RBFOX3: variants seen among roughly 807,000 people sequenced by gnomAD.
The protein encoded by RBFOX3 is RNA binding fox-1 homolog 3.
Under a neutral mutation model 48.7 loss-of-function variants are expected in RBFOX3, and 17 were observed. That is an observed-to-expected ratio of 0.35 (90% CI 0.24 to 0.52). RBFOX3 has a LOEUF of 0.52. Among genes scored for constraint, RBFOX3 ranks in the 20% least tolerant of loss-of-function variants. The probability of loss-of-function intolerance (pLI) is 0.94; values close to 1 mark genes in which losing one functional copy is unlikely to be tolerated. For missense variants in RBFOX3, 382 were observed against 497.5 expected (o/e 0.77, Z 2.21); for synonymous variants, 212 against 209.5 (o/e 1.01, Z -0.10).
rs1277259880 is a variant in RBFOX3, at chr17:79,390,319, A to G, written c.-174-82495T>C. Among the ~76,000 whole-genome samples, 1 of 152,026 alleles carries G rather than the reference A, an allele frequency of 6.6e-6. No individual in the cohort carries two copies. The highest frequency in any genetic ancestry group is 6.5e-5 in the Admixed American group (1 of 15,274). Reference sequence around the variant, plus strand: ...ATCCCGGGGGGACTTCTTAGACTCCACTCTGAGTTTGGCTTTGCCACGCTG... The same window carrying G: ...ATCCCGGGGGGACTTCTTAGACTCCGCTCTGAGTTTGGCTTTGCCACGCTG... On this transcript the variant is annotated intron_variant, in intron 2 of 14. Transcript: ENST00000693108. This position sits in a 1 kb window ranked among gnomAD's most constrained non-coding sequence, Gnocchi z 4.2.
intron 2 of RBFOX3, among the ~76,000 whole-genome samples, chr17:79,464,745 G>A (rs1431749435): frequency 1.3e-5 from 2 of 152,248 alleles, no homozygotes; most frequent in Non-Finnish European, 2.9e-5. Context: ...GAAGTGCAGG[G>A]TGCCAGGCAC....
intron 2 of RBFOX3, among the ~76,000 whole-genome samples, chr17:79,344,942 T>C (rs2082658930): frequency 6.6e-6 from 1 of 152,244 alleles, no homozygotes; most frequent in African/African-American, 2.4e-5. Flanking sequence ...TTTGACCCTC[T>C]GACTGCAAAA....
chr17:79,632,762 G>A, the RBFOX3 span, among the ~76,000 whole-genome samples: 3 of 116,646 alleles, frequency 2.6e-5, no homozygotes, highest in Admixed American at 1.7e-4. Flanking sequence ...AAAAAAAAAA[G>A]TTAGCAAGGC....
intron 4 of RBFOX3, among the ~76,000 whole-genome samples, chr17:79,192,325 G>A (rs151276531): frequency 7.0e-4 from 107 of 152,252 alleles, no homozygotes; most frequent in Middle Eastern, 6.8e-3. Flanking sequence ...GGGGGGAGCC[G>A]TCTGTTCCTG....
chr17:79,133,963 A>G (rs2039577859), intron 4 of RBFOX3, among the ~76,000 whole-genome samples: 2 of 152,208 alleles, frequency 1.3e-5, no homozygotes. Context: ...TTTTCTGCAT[A>G]TTCATTAAGG....
chr17:79,408,547 T>A (rs1184402302), intron 2 of RBFOX3, among the ~76,000 whole-genome samples: 1 of 152,156 alleles, frequency 6.6e-6, no homozygotes, highest in Non-Finnish European at 1.5e-5. Flanking sequence ...GGGTTCCCCA[T>A]CTGCTGCTCA....
At chr17:79,134,692 C>G (rs1339584629) in intron 4 of RBFOX3, among the ~76,000 whole-genome samples, 1 of 152,226 alleles carries the variant, frequency 6.6e-6, no homozygotes, top group Non-Finnish European at 1.5e-5. Flanking sequence ...GGCACCCTGA[C>G]CGTGTCAGAG....
chr17:79,108,827 G>A (rs1451532166), intron 5 of RBFOX3, among the ~76,000 whole-genome samples: 3 of 152,208 alleles, frequency 2.0e-5, no homozygotes, highest in East Asian at 1.9e-4. Context: ...AGCCTCCCCC[G>A]TACCACAGCT....
At chr17:79,372,259 C>T (rs1267154725) in intron 2 of RBFOX3, among the ~76,000 whole-genome samples, 3 of 151,432 alleles carry the variant, frequency 2.0e-5, no homozygotes, top group African/African-American at 7.3e-5. Flanking sequence ...ATACTATCCC[C>T]GGCAATCCTA....
intron 2 of RBFOX3, among the ~76,000 whole-genome samples, chr17:79,472,189 AGT>A (rs1259182517): frequency 6.6e-6 from 1 of 152,158 alleles, no homozygotes; most frequent in African/African-American, 2.4e-5. Flanking sequence ...TGGAATGATG[AGT>A]GTGCCTGACG....
intron 4 of RBFOX3, among the ~76,000 whole-genome samples, chr17:79,179,259 C>T (rs927904099): frequency 4.6e-5 from 7 of 152,236 alleles, no homozygotes; most frequent in African/African-American, 1.7e-4. Flanking sequence ...AATCCCCCTG[C>T]CCCTCGGCGG....
At chr17:79,440,513 C>G (rs1473754387) in intron 2 of RBFOX3, among the ~76,000 whole-genome samples, 4 of 152,168 alleles carry the variant, frequency 2.6e-5, no homozygotes, top group African/African-American at 2.4e-5. Flanking sequence ...GACCACAGGG[C>G]AGGGAGCTCC....
chr17:79,446,516 C>A, intron 2 of RBFOX3, among the ~76,000 whole-genome samples: 1 of 152,180 alleles, frequency 6.6e-6, no homozygotes, highest in East Asian at 1.9e-4. Flanking sequence ...GGGATGGAAG[C>A]AGCTCTCCCT....
chr17:79,412,448 G>T lies in RBFOX3; in HGVS notation c.-175+70006C>A, dbSNP rs527820050. Among the ~76,000 whole-genome samples, 6 of 152,128 alleles carry T rather than the reference G, an allele frequency of 3.9e-5. No individual in the cohort carries two copies. In the East Asian group the frequency reaches 1.2e-3, roughly 29 times the overall value. On this transcript the variant is annotated intron_variant, in intron 2 of 14. Coordinates refer to ENST00000693108, the MANE Select transcript of RBFOX3 (RefSeq NM_001350451.2). Reference sequence around the variant, plus strand: ...GTGTATACATGTGTGTGATATGTGTGAGCGTATTGTGTATGTGTGTGCACA... The same window carrying T: ...GTGTATACATGTGTGTGATATGTGTTAGCGTATTGTGTATGTGTGTGCACA...
chr17:79,182,978 G>A (rs2052461408), intron 4 of RBFOX3, among the ~76,000 whole-genome samples: 1 of 149,356 alleles, frequency 6.7e-6, no homozygotes, highest in South Asian at 2.1e-4. Flanking sequence ...CTTCCCCGGA[G>A]ACTCCGCCCG....
intron 2 of RBFOX3, among the ~76,000 whole-genome samples, chr17:79,327,333 G>T (rs2079488787): frequency 2.0e-5 from 3 of 152,166 alleles, no homozygotes; most frequent in Admixed American, 2.0e-4. Flanking sequence ...GGAGTCCTTG[G>T]CAACCTCACC....
At chr17:79,410,920 C>T (rs942893568) in intron 2 of RBFOX3, among the ~76,000 whole-genome samples, 4 of 152,152 alleles carry the variant, frequency 2.6e-5, no homozygotes, top group African/African-American at 9.7e-5. Context: ...GGCTGGGGAA[C>T]GAGCTGGCAC....
At chr17:79,213,198 T>A (rs1017937653) in intron 4 of RBFOX3, among the ~76,000 whole-genome samples, 8 of 152,146 alleles carry the variant, frequency 5.3e-5, no homozygotes, top group Non-Finnish European at 8.8e-5. Flanking sequence ...GAGGATAAAG[T>A]TCCCCTGTTT....
rs2055070114 is a variant in RBFOX3 at position 79,194,149 on chromosome 17, T to TGGCGCTGTCCTC, written c.-34+41605_-34+41616dup. 2.0e-5 allele frequency among the ~76,000 whole-genome samples: 3 copies of TGGCGCTGTCCTC among 152,342 alleles called. No homozygotes were observed. In the South Asian group the frequency reaches 6.2e-4, roughly 32 times the overall value. On this transcript the variant is annotated intron_variant, in intron 4 of 14. Transcript: ENST00000693108. ...ACACCAATGTTGCTCTCCTTTCACA[T>TGGCGCTGTCCTC]GGCGCTGTCCTCGCTCCCACAGCTG...
Sources: allele counts gnomAD v4.1 joint callset (sites outside exome capture counted in the v4.1 genomes callset), GRCh38; gene constraint gnomAD v4.1.1; non-coding constraint Gnocchi (gnomAD v3.1); transcripts MANE v1.5; gene names NCBI Gene and HGNC (gene_info 2026-07-23, HGNC 2026-07-21).